SH3RF3: variants seen among roughly 807,000 people sequenced by gnomAD.
SH3RF3 encodes E3 ubiquitin-protein ligase SH3RF3.
In SH3RF3, 29 loss-of-function variants were observed where a neutral mutation model predicts 66.3. The observed-to-expected ratio is 0.44, with a 90% CI of 0.33 to 0.60. SH3RF3 has a LOEUF of 0.60. Among genes scored for constraint, SH3RF3 ranks in the 20% least tolerant of loss-of-function variants. SH3RF3 has a pLI of 0.04. For missense variants in SH3RF3, 1,194 were observed against 1,190.9 expected (o/e 1.00, Z -0.04); for synonymous variants, 583 against 532.0 (o/e 1.10, Z -1.32).
intron 3 of SH3RF3, among the ~76,000 whole-genome samples, chr2:109,383,929 T>G (rs73955562): frequency 0.07 from 10,719 of 152,178 alleles, 948 homozygotes; most frequent in African/African-American, 0.21. Context: ...GTCTGTTAGG[T>G]AGAAGGTTCT....
chr2:109,319,387 G>GT (rs1011307687), intron 1 of SH3RF3, among the ~76,000 whole-genome samples: 5 of 152,232 alleles, frequency 3.3e-5, no homozygotes, highest in African/African-American at 4.8e-5. Flanking sequence ...TGTGGGCTCA[G>GT]TGGGGTCCCG....
rs964334638 is a variant in SH3RF3 at position 109,172,026 on chromosome 2, G to T, written c.573+41913G>T. On this transcript the variant is annotated intron_variant, in intron 1 of 9. Coordinates refer to ENST00000309415, the MANE Select transcript of SH3RF3 (RefSeq NM_001099289.3). ...CCAATAAAAGGCAGGGCCCAGCACT[G>T]TGGGCTCCATGAGGGCCTGTTTGGT... 3.3e-5 allele frequency among the ~76,000 whole-genome samples: 5 copies of T among 152,370 alleles called. No homozygotes were observed. The East Asian group carries it at 7.7e-4, about 23-fold the overall frequency.
intron 1 of SH3RF3, among the ~76,000 whole-genome samples, chr2:109,140,506 G>A (rs559035207): frequency 1.3e-5 from 2 of 151,476 alleles, no homozygotes; most frequent in Admixed American, 1.3e-4. Context: ...TCAGCCTCCC[G>A]AGTAGCTGGG....
chr2:109,302,940 G>A (rs985682241), intron 1 of SH3RF3, among the ~76,000 whole-genome samples: 1 of 152,124 alleles, frequency 6.6e-6, no homozygotes, highest in Non-Finnish European at 1.5e-5. Flanking sequence ...GCAGTGGCAT[G>A]ATCTTAGCTC....
chr2:109,411,325 C>T (rs1372286112), intron 4 of SH3RF3, among the ~76,000 whole-genome samples: 1 of 152,234 alleles, frequency 6.6e-6, no homozygotes, highest in African/African-American at 2.4e-5. Flanking sequence ...GGAGAGGCCC[C>T]TTTCCCTGCA....
At chr2:109,394,506 G>A (rs4676084) in intron 3 of SH3RF3, among the ~76,000 whole-genome samples, 45,409 of 152,188 alleles carry the variant, frequency 0.3, 8,442 homozygotes, top group Non-Finnish European at 0.41. Context: ...ACAGGTACCA[G>A]GAGCAGTCCT....
At chr2:109,383,531 A>G (rs995899911) in intron 3 of SH3RF3, among the ~76,000 whole-genome samples, 2 of 152,026 alleles carry the variant, frequency 1.3e-5, no homozygotes, top group African/African-American at 4.8e-5. Flanking sequence ...TCTGTTTCCA[A>G]TGGATAGGGT....
chr2:109,332,518 T>A (rs926642196), intron 1 of SH3RF3, among the ~76,000 whole-genome samples: 1 of 152,166 alleles, frequency 6.6e-6, no homozygotes, highest in Non-Finnish European at 1.5e-5. Context: ...CCAGGATGTG[T>A]GAGGAACAGA....
intron 1 of SH3RF3, among the ~76,000 whole-genome samples, chr2:109,300,458 G>T (rs750352126): frequency 5.3e-5 from 8 of 152,170 alleles, no homozygotes; most frequent in Non-Finnish European, 1.0e-4. Flanking sequence ...GGGATTATAG[G>T]TGTGAGCCAC....
chr2:109,299,440 G>A (rs1681403038), intron 1 of SH3RF3, among the ~76,000 whole-genome samples: 1 of 151,840 alleles, frequency 6.6e-6, no homozygotes, highest in East Asian at 2.0e-4. Flanking sequence ...TCACCCTAAG[G>A]GTGATCTTAA....
At chr2:109,434,966 C>T (rs750044831) in intron 6 of SH3RF3, among the ~76,000 whole-genome samples, 4 of 152,216 alleles carry the variant, frequency 2.6e-5, no homozygotes, top group African/African-American at 4.8e-5. Flanking sequence ...GACACTGGAG[C>T]ACTTAGAGTG....
At chr2:109,171,433 CT>C (rs1414556891) in intron 1 of SH3RF3, among the ~76,000 whole-genome samples, 4 of 152,242 alleles carry the variant, frequency 2.6e-5, no homozygotes, top group African/African-American at 9.6e-5. Context: ...TTGAAATACT[CT>C]TCCTAACAAA....
At chr2:109,323,466 A>G (rs1319764462) in intron 1 of SH3RF3, among the ~76,000 whole-genome samples, 1 of 152,238 alleles carries the variant, frequency 6.6e-6, no homozygotes, top group East Asian at 1.9e-4. Flanking sequence ...TAGAAAAACA[A>G]CCAACCCAAG....
intron 2 of SH3RF3, 69 bp from the exon 3 acceptor site, chr2:109,371,517 G>T: frequency 3.0e-6 from 4 of 1,346,308 alleles, no homozygotes; most frequent in Non-Finnish European, 4.2e-6. Flanking sequence ...GTACTAACCA[G>T]TGTCTTGCTT....
chr2:109,283,125 A>C (rs1299094949), intron 1 of SH3RF3, among the ~76,000 whole-genome samples: 1 of 152,214 alleles, frequency 6.6e-6, no homozygotes, highest in Non-Finnish European at 1.5e-5. Context: ...CAATCCTGAA[A>C]GGTAATAAAA....
rs528142696 is a variant in SH3RF3, at chr2:109,286,495, A to G, written c.574-61179A>G. Among the ~76,000 whole-genome samples, 10 of 152,286 alleles carry G rather than the reference A, an allele frequency of 6.6e-5. No homozygotes were observed. In the South Asian group the frequency reaches 1.9e-3, roughly 28 times the overall value. On this transcript the variant is annotated intron_variant, in intron 1 of 9. Transcript: ENST00000309415. ...ACCACAGTCCCGCACAAGGCCATCT[A>G]TGCTTATCACCTGGGTGCAGAAGAC...
intron 1 of SH3RF3, among the ~76,000 whole-genome samples, chr2:109,140,746 C>G (rs1234953227): frequency 6.6e-6 from 1 of 152,146 alleles, no homozygotes; most frequent in Non-Finnish European, 1.5e-5. Context: ...CCTATGTGCT[C>G]TACACGTGGT....
chr2:109,201,076 C>T (rs1678660358), intron 1 of SH3RF3, among the ~76,000 whole-genome samples: 1 of 152,202 alleles, frequency 6.6e-6, no homozygotes, highest in African/African-American at 2.4e-5. Context: ...CAGCCGTGCT[C>T]AGGGACTCTC....
At chr2:109,137,737 T>C (rs1177267996) in intron 1 of SH3RF3, among the ~76,000 whole-genome samples, 1 of 152,244 alleles carries the variant, frequency 6.6e-6, no homozygotes, top group East Asian at 1.9e-4. Context: ...CTAATCTCAT[T>C]AGACACCACC....
Sources: gnomAD v4.1 joint callset for allele counts (sites outside exome capture counted in the v4.1 genomes callset) on GRCh38, gnomAD v4.1.1 for gene constraint, MANE v1.5 for transcripts, NCBI Gene and HGNC (gene_info 2026-07-23, HGNC 2026-07-21) for gene names.